Variants in SMOC2 observed in about 807,000 individuals in gnomAD.
The protein encoded by SMOC2 is SPARC-related modular calcium-binding protein 2.
SMOC2 carries 39 observed loss-of-function variants against 61.4 expected under a neutral mutation model. The observed-to-expected ratio is 0.64, with a 90% CI of 0.49 to 0.83. The LOEUF (loss-of-function observed/expected upper bound fraction) is 0.83, where lower values mean the gene tolerates loss of function less well. Among genes scored for constraint, SMOC2 ranks in the 40% least tolerant of loss-of-function variants. SMOC2 has a pLI of 0.00. For synonymous variants in SMOC2, 247 were observed against 239.9 expected, an observed-to-expected ratio of 1.03 and a Z score of -0.27; for missense variants, 556 against 592.9, an observed-to-expected ratio of 0.94 and a Z score of 0.65.
intron 9 of SMOC2, among the ~76,000 whole-genome samples, chr6:168,618,281 T>A (rs1009692460): frequency 2.6e-5 from 4 of 152,224 alleles, no homozygotes; most frequent in Admixed American, 6.5e-5. Context: ...TGCAATTCAC[T>A]GGGCATCCAA....
At chr6:168,631,604 A>G (rs773786278) in intron 9 of SMOC2, among the ~76,000 whole-genome samples, 3 of 152,190 alleles carry the variant, frequency 2.0e-5, no homozygotes, top group Non-Finnish European at 2.9e-5. Context: ...GTGCTTGGGA[A>G]AAGCTTTTCT....
chr6:168,600,275 T>C (rs529985074), intron 8 of SMOC2, among the ~76,000 whole-genome samples: 1 of 151,772 alleles, frequency 6.6e-6, no homozygotes, highest in Admixed American at 6.6e-5. Context: ...GGCGTGGTGG[T>C]GGATGCCTGT....
chr6:168,658,256 T>G (rs111894070), intron 11 of SMOC2, among the ~76,000 whole-genome samples: 3,229 of 152,320 alleles, frequency 0.021, 130 homozygotes, highest in African/African-American at 0.073. Context: ...CATCTGCATG[T>G]GATGAGTGAC....
chr6:168,454,536 CTG>C (rs1781538315), intron 1 of SMOC2, among the ~76,000 whole-genome samples: 2 of 152,186 alleles, frequency 1.3e-5, no homozygotes, highest in African/African-American at 4.8e-5. Context: ...GACTGCGGCT[CTG>C]ACAGGTTCTG....
At chr6:168,519,106 A>G (rs1279535048) in intron 2 of SMOC2, among the ~76,000 whole-genome samples, 6 of 104,140 alleles carry the variant, frequency 5.8e-5, no homozygotes, top group Non-Finnish European at 9.7e-5. Flanking sequence ...TGCGTGTGTG[A>G]ACGCGTGTGT....
intron 10 of SMOC2, 58 bp downstream of exon 10, chr6:168,650,841 C>A: frequency 6.7e-7 from 1 of 1,484,696 alleles, no homozygotes; most frequent in Non-Finnish European, 9.2e-7. Flanking sequence ...TCTGGGGAAT[C>A]TGGAAAGTCT....
rs73260682 is a variant in SMOC2 at position 168,587,569 on chromosome 6, C to T, written c.638-11249C>T. 9.4e-3 allele frequency among the ~76,000 whole-genome samples: 1,433 copies of T among 152,282 alleles called. 21 individuals carry two copies. Among genetic ancestry groups the T allele is most frequent in the African/African-American group, 0.032 (1,324 of 41,542 alleles). Reference sequence around the variant, plus strand: ...GATGAGCCTTTCACTGAATATACAACGTACATCTGAGAGGAGGATAGAGGA... The same window carrying T: ...GATGAGCCTTTCACTGAATATACAATGTACATCTGAGAGGAGGATAGAGGA... On this transcript the variant is annotated intron_variant, in intron 7 of 12. Transcript: ENST00000356284.
intron 7 of SMOC2, among the ~76,000 whole-genome samples, chr6:168,598,375 G>T (rs1230881257): frequency 2.6e-5 from 4 of 152,320 alleles, no homozygotes; most frequent in African/African-American, 9.6e-5. Context: ...ACACGACCTT[G>T]CCCTGGGGCC....
At chr6:168,530,637 A>ACCCCC (rs3064057) in intron 4 of SMOC2, among the ~76,000 whole-genome samples, 18 of 120,228 alleles carry the variant, frequency 1.5e-4, no homozygotes, top group African/African-American at 2.4e-4. Context: ...TCACGGTGCA[A>ACCCCC]CCCCCCCCCC....
intron 1 of SMOC2, among the ~76,000 whole-genome samples, chr6:168,456,043 A>AG (rs1452612182): frequency 1.3e-5 from 2 of 152,204 alleles, no homozygotes; most frequent in African/African-American, 4.8e-5. Flanking sequence ...GCCTCATACC[A>AG]GGGCCACCCC....
At chr6:168,552,847 C>T (rs1419749194) in intron 7 of SMOC2, among the ~76,000 whole-genome samples, 1 of 133,816 alleles carries the variant, frequency 7.5e-6, no homozygotes, top group East Asian at 2.5e-4. Flanking sequence ...CAGCCTGTTG[C>T]TCACTCCAGG....
intron 8 of SMOC2, among the ~76,000 whole-genome samples, chr6:168,604,829 G>A (rs1228400024): frequency 6.6e-6 from 1 of 152,206 alleles, no homozygotes; most frequent in Non-Finnish European, 1.5e-5. Flanking sequence ...GCCCAGATGA[G>A]GCAGGAGCAG....
rs572554044 is a variant in SMOC2 at position 168,453,037 on chromosome 6, G to A, written c.84+11583G>A. Among the ~76,000 whole-genome samples, 9 of 152,360 alleles carry A rather than the reference G, an allele frequency of 5.9e-5. No individual in the cohort carries two copies. The East Asian group carries it at 1.5e-3, about 26-fold the overall frequency. ...CCGGGGGCATAGTTCCCTGGAAGTC[G>A]GTCTTGGGAGGACACAGCCTCTGTT... is the stretch of plus-strand genomic sequence containing the variant. On this transcript the variant is annotated intron_variant, in intron 1 of 12. Coordinates refer to ENST00000356284, the MANE Select transcript of SMOC2 (RefSeq NM_001166412.2). This position sits in a 1 kb window ranked among gnomAD's most constrained non-coding sequence, Gnocchi z 4.4.
At chr6:168,640,563 A>G (rs1354943155) in intron 9 of SMOC2, among the ~76,000 whole-genome samples, 2 of 152,204 alleles carry the variant, frequency 1.3e-5, no homozygotes, top group Non-Finnish European at 2.9e-5. Flanking sequence ...GAGTTTAGTA[A>G]AATGTAACCT....
intron 8 of SMOC2, among the ~76,000 whole-genome samples, chr6:168,605,906 G>A (rs763885867): frequency 1.2e-4 from 18 of 152,134 alleles, no homozygotes; most frequent in Admixed American, 5.2e-4. Context: ...CAGAGTCTAC[G>A]TCATCCATTC....
At chr6:168,596,129 T>A (rs1785328754) in intron 7 of SMOC2, among the ~76,000 whole-genome samples, 2 of 80,308 alleles carry the variant, frequency 2.5e-5, no homozygotes, top group African/African-American at 9.4e-5. Flanking sequence ...ATGAGTTTCC[T>A]GGGTGCTGCT....
At chr6:168,622,169 T>G (rs954869533) in intron 9 of SMOC2, among the ~76,000 whole-genome samples, 2 of 152,074 alleles carry the variant, frequency 1.3e-5, no homozygotes, top group Non-Finnish European at 2.9e-5. Context: ...GGTTTCACCG[T>G]GTTAGCCAGG....
chr6:168,585,370 G>A lies in SMOC2; in HGVS notation c.638-13448G>A, dbSNP rs1258891254. Among the ~76,000 whole-genome samples, 4 of 152,194 alleles carry A rather than the reference G, an allele frequency of 2.6e-5. No individual in the cohort carries two copies. In the East Asian group the frequency reaches 7.7e-4, roughly 29 times the overall value. On this transcript the variant is annotated intron_variant, in intron 7 of 12. Transcript: ENST00000356284. ...AATGGTTTTGAGCTTCATCCTCACT[G>A]CGTGCATTACCCATTCATTCTCTGC...
chr6:168,581,876 G>A (rs753791450), intron 7 of SMOC2, among the ~76,000 whole-genome samples: 2 of 151,954 alleles, frequency 1.3e-5, no homozygotes, highest in Non-Finnish European at 1.5e-5. Flanking sequence ...CGCCTTCACC[G>A]CTGACTTCAG....
Sources: gnomAD v4.1 joint callset for allele counts (sites outside exome capture counted in the v4.1 genomes callset) on GRCh38, gnomAD v4.1.1 for gene constraint, Gnocchi (gnomAD v3.1) non-coding constraint, MANE v1.5 for transcripts, NCBI Gene and HGNC (gene_info 2026-07-23, HGNC 2026-07-21) for gene names.